The following PCDHGA4 variants were observed in gnomAD, a reference collection of about 807,000 sequenced individuals.
The protein encoded by PCDHGA4 is protocadherin gamma subfamily A, 4.
A neutral mutation model predicts 54.6 loss-of-function variants in PCDHGA4; 38 were observed. That is an observed-to-expected ratio of 0.70 (90% CI 0.54 to 0.91). The LOEUF (loss-of-function observed/expected upper bound fraction) is 0.91, where lower values mean the gene tolerates loss of function less well. Ranked by LOEUF, PCDHGA4 falls within the 40% of genes least tolerant of loss-of-function variation. The pLI is 0.00. For missense variants in PCDHGA4, 1,298 were observed against 1,220.9 expected (o/e 1.06, Z -0.94); for synonymous variants, 511 against 512.9 (o/e 1.00, Z 0.05).
chr5:141,375,640 C>T (rs1375647493), intron 1 of PCDHGA4: 1 of 1,614,226 alleles, frequency 6.2e-7, no homozygotes, highest in Non-Finnish European at 8.5e-7. Flanking sequence ...CCCTGCGCTC[C>T]TTCGACTATG....
chr5:141,501,381 T>A (rs1261533671), intron 2 of PCDHGA4, among the ~76,000 whole-genome samples: 4 of 151,750 alleles, frequency 2.6e-5, no homozygotes, highest in African/African-American at 9.7e-5. Flanking sequence ...TCTTAAATCC[T>A]AGGTCCTGTC....
At chr5:141,409,680 C>G (rs756713114) in intron 1 of PCDHGA4, 1 of 1,613,360 alleles carries the variant, frequency 6.2e-7, no homozygotes, top group Non-Finnish European at 8.5e-7. Context: ...TCTATAGTGG[C>G]GAGTGACCTA....
Position 141,491,000 on chromosome 5 carries a change from C to T in PCDHGA4, c.2515-3807C>T. 6.2e-7 allele frequency: 1 copy of T among 1,614,142 alleles called. No homozygotes were observed. The highest frequency in any genetic ancestry group is 1.1e-5 in the South Asian group (1 of 91,086). On this transcript the variant is annotated intron_variant, in intron 1 of 3. Transcript: ENST00000571252. The surrounding 1 kb of genome is among the most constrained non-coding windows in gnomAD (Gnocchi z 5.4). ...CTCCCTCGCTCTGCTCCTCCTGGCTCCTTGGTCACCAAGGTGACAGCCGTG... is the reference window on the plus strand; with the variant it reads ...CTCCCTCGCTCTGCTCCTCCTGGCTTCTTGGTCACCAAGGTGACAGCCGTG...
intron 1 of PCDHGA4, among the ~76,000 whole-genome samples, chr5:141,381,686 AAAC>A (rs1269227136): frequency 2.6e-5 from 4 of 152,308 alleles, no homozygotes; most frequent in Non-Finnish European, 4.4e-5. Context: ...CAGCCAAGAC[AAAC>A]AACGATTTCT....
chr5:141,494,449 G>A (rs185095384), intron 1 of PCDHGA4, among the ~76,000 whole-genome samples: 2 of 152,254 alleles, frequency 1.3e-5, no homozygotes, highest in East Asian at 3.9e-4. Flanking sequence ...CACTTTAGGG[G>A]GCTTTGTCTG....
At chr5:141,405,966 C>T (rs1226823491) in intron 1 of PCDHGA4, among the ~76,000 whole-genome samples, 3 of 151,986 alleles carry the variant, frequency 2.0e-5, no homozygotes, top group South Asian at 4.1e-4. Flanking sequence ...CTGCTGTCAA[C>T]GTAAACCATA....
In PCDHGA4 at chr5:141,486,432, G is replaced by T; in HGVS notation, c.2515-8375G>T. On this transcript the variant is annotated intron_variant, in intron 1 of 3. Coordinates refer to ENST00000571252, the MANE Select transcript of PCDHGA4 (RefSeq NM_018917.4). This position sits in a 1 kb window ranked among gnomAD's most constrained non-coding sequence, Gnocchi z 5.0. ...CCCTTGGATCGAGAGGCCAAATCTA[G>T]CTATGACATCATGGTCACTGCTTCT... 4 of 1,614,172 alleles carry T rather than the reference G, an allele frequency of 2.5e-6. No homozygotes were observed. Among genetic ancestry groups the T allele is most frequent in the Non-Finnish European group, 2.5e-6 (3 of 1,180,020 alleles).
intron 1 of PCDHGA4, among the ~76,000 whole-genome samples, chr5:141,448,861 C>T (rs1017826063): frequency 2.0e-5 from 3 of 152,118 alleles, no homozygotes; most frequent in African/African-American, 7.2e-5. Flanking sequence ...AGGAGAATGG[C>T]GTGAACCTGG....
At chr5:141,372,450 G>A in intron 1 of PCDHGA4, 1 of 1,614,034 alleles carries the variant, frequency 6.2e-7, no homozygotes, top group South Asian at 1.1e-5. Flanking sequence ...TGACCCTCAG[G>A]CGGAGCTACA....
At chr5:141,404,888 G>A (rs778498828) in intron 1 of PCDHGA4, 9 of 1,613,762 alleles carry the variant, frequency 5.6e-6, no homozygotes, top group East Asian at 2.2e-5. Context: ...TGTGGTGGCT[G>A]TACAGGACCA....
intron 1 of PCDHGA4, chr5:141,385,657 C>A: frequency 1.6e-6 from 1 of 611,856 alleles, no homozygotes; most frequent in Non-Finnish European, 2.2e-6. Context: ...ACAAGGTTAG[C>A]AGGAATAAAA....
At chr5:141,449,958 A>AT (rs962794399) in intron 1 of PCDHGA4, among the ~76,000 whole-genome samples, 8 of 148,830 alleles carry the variant, frequency 5.4e-5, no homozygotes, top group African/African-American at 2.0e-4. Context: ...CCTCATAGTA[A>AT]TTTTTTTTAG....
At chr5:141,455,552 G>T (rs897699654) in intron 1 of PCDHGA4, among the ~76,000 whole-genome samples, 1 of 152,144 alleles carries the variant, frequency 6.6e-6, no homozygotes, top group African/African-American at 2.4e-5. Flanking sequence ...CGTAGCCCGA[G>T]AAAAAGCTGG....
chr5:141,455,502 A>G (rs888549465), intron 1 of PCDHGA4, among the ~76,000 whole-genome samples: 12 of 152,206 alleles, frequency 7.9e-5, no homozygotes, highest in African/African-American at 2.7e-4. Flanking sequence ...TCTGATTTGC[A>G]TAGGGCTCAG....
intron 1 of PCDHGA4, chr5:141,364,421 A>T (rs1290592441): frequency 1.2e-6 from 2 of 1,613,602 alleles, no homozygotes; most frequent in Admixed American, 3.3e-5. Flanking sequence ...ATCCGGGCAG[A>T]TCCGCTACTC....
intron 2 of PCDHGA4, among the ~76,000 whole-genome samples, chr5:141,497,603 G>A (rs1045138662): frequency 3.3e-5 from 5 of 149,832 alleles, no homozygotes; most frequent in Non-Finnish European, 7.4e-5. Context: ...GCAGTGGTGC[G>A]ATCTTGGCTC....
intron 1 of PCDHGA4, chr5:141,376,306 G>A (rs1772539310): frequency 6.2e-7 from 1 of 1,614,202 alleles, no homozygotes; most frequent in East Asian, 2.2e-5. Flanking sequence ...CGCACTTTGT[G>A]GGCGTGGAAG....
intron 2 of PCDHGA4, among the ~76,000 whole-genome samples, chr5:141,498,795 T>C (rs2099785702): frequency 6.6e-6 from 1 of 152,032 alleles, no homozygotes; most frequent in Admixed American, 6.6e-5. Context: ...TAGCCAGGTG[T>C]GGTGGTGCAC....
Position 141,375,459 on chromosome 5 carries a change from T to A in PCDHGA4, c.2514+17838T>A, listed in dbSNP as rs775895246. The A allele has an allele frequency of 1.9e-6, 3 of 1,613,896 alleles. No homozygotes were observed. The highest frequency in any genetic ancestry group is 3.3e-5 in the Admixed American group (2 of 60,016). On this transcript the variant is annotated intron_variant, in intron 1 of 3. Coordinates refer to ENST00000571252, the MANE Select transcript of PCDHGA4 (RefSeq NM_018917.4). ...ACCTTCCCCCATTCATCCTACTCAG[T>A]CTATGTCCTTGAAAACAACCCCAGG... is the stretch of plus-strand genomic sequence containing the variant.
Sources: gnomAD v4.1 joint callset for allele counts (sites outside exome capture counted in the v4.1 genomes callset) on GRCh38, gnomAD v4.1.1 for gene constraint, Gnocchi (gnomAD v3.1) non-coding constraint, MANE v1.5 for transcripts, NCBI Gene and HGNC (gene_info 2026-07-23, HGNC 2026-07-21) for gene names.